Variants in ERMP1 observed in about 807,000 individuals in gnomAD.
ERMP1 encodes the protein endoplasmic reticulum metallopeptidase 1, also known as Felix-ina.
A neutral mutation model predicts 92.0 loss-of-function variants in ERMP1; 86 were observed. That is an observed-to-expected ratio of 0.93 (90% CI 0.79 to 1.12). The LOEUF is 1.12. ERMP1 is among the 50% of genes most tolerant of loss of function. The pLI, the probability that ERMP1 is intolerant of heterozygous loss-of-function variation, is 0.00. For synonymous variants in ERMP1, 530 were observed against 412.8 expected, an observed-to-expected ratio of 1.28 and a Z score of -3.44; for missense variants, 1,342 against 1,116.3, an observed-to-expected ratio of 1.20 and a Z score of -2.88.
chr9:5,821,536 G>A (rs1394210757), intron 4 of ERMP1, among the ~76,000 whole-genome samples: 1 of 152,216 alleles, frequency 6.6e-6, no homozygotes, highest in Non-Finnish European at 1.5e-5. Flanking sequence ...ATGTAAATAA[G>A]TAATGTTAGT....
chr9:5,806,467 G>T (rs867811144), intron 8 of ERMP1, among the ~76,000 whole-genome samples: 1 of 147,248 alleles, frequency 6.8e-6, no homozygotes, highest in African/African-American at 2.5e-5. Flanking sequence ...TCGCTCTGTC[G>T]CCTAGGCCGG....
chr9:5,865,596 G>A (rs2153927), intron 5 of ERMP1, among the ~76,000 whole-genome samples: 83,890 of 150,896 alleles, frequency 0.56, 24,465 homozygotes, highest in South Asian at 0.68. Flanking sequence ...ACTTTCGCAG[G>A]CCGAGGCAAG....
Position 5,833,102 on chromosome 9 carries a change from T to G in ERMP1, c.-75A>C, listed in dbSNP as rs1230964454. The stretch of plus-strand genomic sequence containing the variant: ...CGGCCGCCGCCGACGCCGCCGTCGC[T>G]GCCGCAGCGCCTCCTAGTGAGCGGA... On this transcript the variant is annotated 5_prime_UTR_variant, in exon 1 of 15. Coordinates refer to ENST00000339450, the MANE Select transcript of ERMP1 (RefSeq NM_024896.3). 2 of 1,207,920 alleles carry G rather than the reference T, an allele frequency of 1.7e-6. No individual in the cohort carries two copies. Among genetic ancestry groups the G allele is most frequent in the Non-Finnish European group, 2.2e-6 (2 of 916,706 alleles). 74.8% of individuals were successfully genotyped at this position (1,207,920 alleles called of 1,614,324 possible). A position where few individuals can be genotyped will look rare whatever the true frequency, so the allele number is the denominator to read the frequency against.
chr9:5,787,348 C>A, intron 14 of ERMP1, 40 bp from the exon 15 acceptor site: 1 of 1,604,504 alleles, frequency 6.2e-7, no homozygotes, highest in Non-Finnish European at 8.5e-7. Flanking sequence ...TTCTCAGAAG[C>A]CAGAATACTG....
At chr9:5,864,121 A>G (rs1159116248) in intron 5 of ERMP1, among the ~76,000 whole-genome samples, 2 of 152,242 alleles carry the variant, frequency 1.3e-5, no homozygotes, top group Non-Finnish European at 2.9e-5. Flanking sequence ...ATGAAGTAGC[A>G]TGTCAATTTG....
At chr9:5,860,626 T>G (rs951526995) in intron 5 of ERMP1, among the ~76,000 whole-genome samples, 2 of 103,862 alleles carry the variant, frequency 1.9e-5, no homozygotes, top group African/African-American at 3.0e-5. Context: ...TTTTTTTTTT[T>G]GTAGAGATCG....
At chr9:5,857,408 A>G (rs10739077) in intron 6 of ERMP1, among the ~76,000 whole-genome samples, 137,347 of 152,224 alleles carry the variant, frequency 0.9, 62,304 homozygotes, top group East Asian at 1. Flanking sequence ...CACATCCAGC[A>G]ACTCAAAATT....
Position 5,795,480 on chromosome 9 carries a change from T to C in ERMP1, c.2386+2337A>G, listed in dbSNP as rs114297815. 8.2e-3 allele frequency among the ~76,000 whole-genome samples: 1,246 copies of C among 152,284 alleles called. 20 individuals are homozygous for C. Among genetic ancestry groups the C allele is most frequent in the African/African-American group, 0.028 (1,177 of 41,560 alleles). On this transcript the variant is annotated intron_variant, in intron 13 of 14. Transcript: ENST00000339450. ...TGCAGATGATAAGATTGTCTATTCA[T>C]AGAATCTTAAAAGAATAGGCTGGGC...
chr9:5,804,208 A>G (rs1828782651), intron 10 of ERMP1, among the ~76,000 whole-genome samples: 1 of 152,134 alleles, frequency 6.6e-6, no homozygotes, highest in Non-Finnish European at 1.5e-5. Context: ...TGAGTGTTCA[A>G]TAATTACTTT....
intron 13 of ERMP1, among the ~76,000 whole-genome samples, chr9:5,789,123 A>G (rs1828064177): frequency 6.6e-6 from 1 of 151,850 alleles, no homozygotes; most frequent in Admixed American, 6.6e-5. Flanking sequence ...CCAAGAAAGC[A>G]TTCCAGAAAC....
chr9:5,828,934 T>C (rs1207542056), intron 2 of ERMP1, among the ~76,000 whole-genome samples: 2 of 152,006 alleles, frequency 1.3e-5, no homozygotes, highest in Non-Finnish European at 2.9e-5. Flanking sequence ...TATTACTGCT[T>C]TGAAATGGAC....
At chr9:5,836,512 A>G (rs1260897907), upstream of ERMP1, among the ~76,000 whole-genome samples, 3 of 152,226 alleles carry the variant, frequency 2.0e-5, no homozygotes, top group South Asian at 4.1e-4. Flanking sequence ...GGAAGAGTTT[A>G]TGGGTAAATG....
At chr9:5,835,500 T>A (rs1337470495), upstream of ERMP1, among the ~76,000 whole-genome samples, 1 of 152,230 alleles carries the variant, frequency 6.6e-6, no homozygotes, top group African/African-American at 2.4e-5. Context: ...AGATGACATT[T>A]GAGGTGACCT....
Position 5,787,524 on chromosome 9 carries a change from T to A in ERMP1, c.2456A>T (p.Asn819Ile). The change falls in exon 14 of 15, where the codon AAT becomes ATT. Residue 819 changes from asparagine to isoleucine, a missense_variant. Asn to Ile is a moderately radical substitution (Grantham distance 149). Coordinates refer to ENST00000339450, the MANE Select transcript of ERMP1 (RefSeq NM_024896.3). ...TCCTTTACTTGTGACTGGGGTGCCATTGCCAAGAGACCACTGAGAAAGTGT... is the reference window on the plus strand; with the variant it reads ...TCCTTTACTTGTGACTGGGGTGCCAATGCCAAGAGACCACTGAGAAAGTGT... Reference protein sequence around the residue: ...GSTLSQWSLGNGTPVTSKGGD... With the variant: ...GSTLSQWSLGIGTPVTSKGGD... 1 of 1,614,130 alleles carries A rather than the reference T, an allele frequency of 6.2e-7. No individual in the cohort carries two copies. Among genetic ancestry groups the A allele is most frequent in the Non-Finnish European group, 8.5e-7 (1 of 1,179,982 alleles).
intron 5 of ERMP1, among the ~76,000 whole-genome samples, chr9:5,864,016 T>G (rs1354909041): frequency 6.6e-6 from 1 of 152,228 alleles, no homozygotes; most frequent in Non-Finnish European, 1.5e-5. Context: ...CTGGACATCC[T>G]TGTAAAATAC....
chr9:5,806,936 C>G (rs201080018), intron 8 of ERMP1, among the ~76,000 whole-genome samples: 1 of 152,086 alleles, frequency 6.6e-6, no homozygotes, highest in East Asian at 1.9e-4. Flanking sequence ...AACCCCTCCC[C>G]GCTCCCAACA....
At chr9:5,865,847 A>AG (rs1223817367) in intron 5 of ERMP1, among the ~76,000 whole-genome samples, 4 of 150,274 alleles carry the variant, frequency 2.7e-5, no homozygotes, top group African/African-American at 9.7e-5. Flanking sequence ...CAAAAAAAAA[A>AG]AAAAAAAAAA....
exon 6 of ERMP1, among the ~76,000 whole-genome samples, chr9:5,859,535 G>C (rs1830432485): frequency 6.6e-6 from 1 of 152,176 alleles, no homozygotes; most frequent in Admixed American, 6.5e-5. Context: ...AATGGCAAGT[G>C]GGCAACATCT....
chr9:5,805,310 A>T (rs1041853112), intron 9 of ERMP1, 93 bp from the exon 10 acceptor site: 1 of 951,736 alleles, frequency 1.1e-6, no homozygotes, highest in African/African-American at 1.7e-5. Flanking sequence ...ACCCTAACAG[A>T]AATTAGGTTA....
Sources: gnomAD v4.1 joint callset for allele counts (sites outside exome capture counted in the v4.1 genomes callset) on GRCh38, gnomAD v4.1.1 for gene constraint, MANE v1.5 for transcripts, NCBI Gene and HGNC (gene_info 2026-07-23, HGNC 2026-07-21) for gene names.